RAD51B: variants seen among roughly 807,000 people sequenced by gnomAD.
RAD51B encodes the protein RAD51 paralog B.
Under a neutral mutation model 42.2 loss-of-function variants are expected in RAD51B, and 38 were observed. The observed-to-expected ratio is 0.90, with a 90% CI of 0.70 to 1.18. RAD51B has a LOEUF of 1.18. Among genes scored for constraint, RAD51B ranks in the 50% most tolerant of loss-of-function variants. The pLI, the probability that RAD51B is intolerant of heterozygous loss-of-function variation, is 0.00. For synonymous variants in RAD51B, 154 were observed against 145.2 expected (o/e 1.06, Z -0.43); for missense variants, 373 against 400.7 (o/e 0.93, Z 0.59).
rs554017458 is a variant in RAD51B, at chr14:68,586,525, A to T, written c.1037-7960A>T. 6.6e-5 allele frequency among the ~76,000 whole-genome samples: 10 copies of T among 152,274 alleles called. No homozygotes were observed. The East Asian group carries it at 1.9e-3, about 29-fold the overall frequency. On this transcript the variant is annotated intron_variant, in intron 10 of 10. Coordinates refer to the RAD51B transcript ENST00000487270. ...CAGGGGAGGTGGGGGCAGACCAGGGAGTAAAGGGAGACCCATGTTGGCAAA... is the reference window on the plus strand; with the variant it reads ...CAGGGGAGGTGGGGGCAGACCAGGGTGTAAAGGGAGACCCATGTTGGCAAA...
chr14:68,622,214 G>T lies in RAD51B; in HGVS notation c.1037-28567G>T, dbSNP rs572805674. On this transcript the variant is annotated intron_variant, in intron 10 of 11. Transcript: ENST00000488612. ...TCTCAGGAGCAGAATCCTCACTTGG[G>T]ATTAGACCCTTCACAGACGCCAGAT... is the stretch of plus-strand genomic sequence containing the variant. 6.6e-5 allele frequency among the ~76,000 whole-genome samples: 10 copies of T among 152,330 alleles called. 1 individual carries two copies. The highest frequency in any genetic ancestry group is 6.5e-4 in the Admixed American group (10 of 15,300).
chr14:68,671,415 T>G (rs1351502381), intron 11 of RAD51B, among the ~76,000 whole-genome samples: 2 of 152,110 alleles, frequency 1.3e-5, no homozygotes, highest in Non-Finnish European at 2.9e-5. Flanking sequence ...CCTATGTGGA[T>G]TCACCTTGGC....
intron 7 of RAD51B, among the ~76,000 whole-genome samples, chr14:67,982,017 G>A (rs989575718): frequency 5.9e-5 from 9 of 152,186 alleles, no homozygotes; most frequent in South Asian, 2.1e-4. Context: ...GCTCACTGCA[G>A]CCTCTGCCTC....
At chr14:68,241,288 A>G (rs752460383) in intron 7 of RAD51B, among the ~76,000 whole-genome samples, 6 of 152,210 alleles carry the variant, frequency 3.9e-5, no homozygotes, top group Non-Finnish European at 5.9e-5. Context: ...CACGCCTGTA[A>G]TCCCAGCACT....
In RAD51B at chr14:68,389,868, G is replaced by A. The variant is rs564123464; in HGVS notation, c.854-21556G>A. On this transcript the variant is annotated intron_variant, in intron 8 of 10. Coordinates refer to ENST00000471583, the MANE Select transcript of RAD51B (RefSeq NM_133510.4). ...ATTGCTAGGGAAATCTGGTAATCAA[G>A]ACCAAGTTGGGCCTCTTGTTTCTCA... is the stretch of plus-strand genomic sequence containing the variant. Among the ~76,000 whole-genome samples the A allele has an allele frequency of 3.3e-5, 5 of 152,308 alleles. No homozygotes were observed. In the South Asian group the frequency reaches 1.0e-3, roughly 32 times the overall value.
intron 10 of RAD51B, chr14:68,469,124 G>A (rs769226086): frequency 3.9e-6 from 2 of 514,656 alleles, no homozygotes; most frequent in Non-Finnish European, 7.8e-6. Context: ...AGATGCTTAG[G>A]TGAATATCTG....
chr14:68,407,081 A>G (rs1396418611), intron 8 of RAD51B, among the ~76,000 whole-genome samples: 1 of 152,254 alleles, frequency 6.6e-6, no homozygotes, highest in Non-Finnish European at 1.5e-5. Flanking sequence ...ACTTCTTAAA[A>G]TAAGTAGAAT....
At chr14:68,420,660 A>G (rs1292856924) in intron 9 of RAD51B, among the ~76,000 whole-genome samples, 1 of 152,174 alleles carries the variant, frequency 6.6e-6, no homozygotes, top group African/African-American at 2.4e-5. Flanking sequence ...GACACCAGAG[A>G]TCATGTTCAT....
intron 11 of RAD51B, among the ~76,000 whole-genome samples, chr14:68,681,579 G>C (rs1054767981): frequency 6.6e-6 from 1 of 152,214 alleles, no homozygotes. Context: ...TTTGACAAGA[G>C]AGTTTCCTGG....
At chr14:68,511,797 AG>A (rs35605174) in intron 10 of RAD51B, among the ~76,000 whole-genome samples, 27,414 of 152,234 alleles carry the variant, frequency 0.18, 3,173 homozygotes, top group Non-Finnish European at 0.26. Context: ...AAAGTGATCT[AG>A]GGGGCATAGG....
At chr14:67,859,967 T>C (rs1267248868) in intron 4 of RAD51B, among the ~76,000 whole-genome samples, 1 of 152,098 alleles carries the variant, frequency 6.6e-6, no homozygotes, top group Non-Finnish European at 1.5e-5. Context: ...ATTACAGGCA[T>C]GCACCACCAC....
chr14:68,529,464 G>C lies in RAD51B; in HGVS notation c.1036+61214G>C, dbSNP rs539471813. On this transcript the variant is annotated intron_variant, in intron 10 of 10. Transcript: ENST00000487270. The stretch of plus-strand genomic sequence containing the variant: ...CTGTAAGGTGGAGCTTACTAGGAAA[G>C]AACGTTGAAAAACAGCTGCTGATGA... 9.2e-5 allele frequency among the ~76,000 whole-genome samples: 14 copies of C among 152,340 alleles called. No individual in the cohort carries two copies. In the East Asian group the frequency reaches 1.4e-3, roughly 15 times the overall value.
In RAD51B at chr14:67,864,961, C is replaced by CTTTTT. The variant is rs745505141; in HGVS notation, c.316-7_316-3dup. ...TGGCTTGTGATGTTTATCTAAAAAA[C>CTTTTT]TTTTTTTTTTTTTTTTTTTTTTTTT... On this transcript the variant is annotated intron_variant, in intron 4 of 10. Transcript: ENST00000471583. 550 of 645,042 alleles carry CTTTTT rather than the reference C, an allele frequency of 8.5e-4. 240 individuals carry two copies. Among genetic ancestry groups the CTTTTT allele is most frequent in the Admixed American group, 1.8e-3 (16 of 8,822 alleles). 40.0% of individuals were successfully genotyped at this position (645,042 alleles called of 1,614,324 possible).
Position 68,468,190 on chromosome 14 carries a change from C to T in RAD51B, c.976C>T (p.Pro326Ser), listed in dbSNP as rs548011714. The T allele has an allele frequency of 6.2e-7, 1 of 1,613,946 alleles. No homozygotes were observed. The highest frequency in any genetic ancestry group is 1.7e-5 in the Admixed American group (1 of 60,010). The change falls in exon 10 of 11, where the codon CCT becomes TCT. Residue 326 changes from proline (P) to serine (S), a missense_variant. Pro to Ser is a moderately conservative substitution (Grantham distance 74, BLOSUM62 -1). Coordinates refer to ENST00000471583, the MANE Select transcript of RAD51B (RefSeq NM_133510.4). ...TGTGCAGATTCTTATTGCCAAGTCC[C>T]CTCTGGCTCCCTTCACCTCATTTGT... is the stretch of plus-strand genomic sequence containing the variant. ...ERRQILIAKS[P>S]LAPFTSFVYT...
At chr14:68,379,983 C>CT (rs2083448549) in intron 8 of RAD51B, among the ~76,000 whole-genome samples, 1 of 152,184 alleles carries the variant, frequency 6.6e-6, no homozygotes, top group South Asian at 2.1e-4. Context: ...TATTGTCATA[C>CT]GATTGCATTG....
intron 4 of RAD51B, among the ~76,000 whole-genome samples, chr14:67,860,650 AC>A: frequency 6.6e-6 from 1 of 152,326 alleles, no homozygotes; most frequent in East Asian, 1.9e-4. Context: ...CATTAAAAAA[AC>A]CCTAAGATGG....
chr14:67,832,698 T>A (rs1369357090), intron 3 of RAD51B, among the ~76,000 whole-genome samples: 1 of 152,186 alleles, frequency 6.6e-6, no homozygotes. Context: ...TGTCCTTGCC[T>A]TTTCCTTACT....
At chr14:68,170,850 T>C (rs2078858251) in intron 7 of RAD51B, among the ~76,000 whole-genome samples, 1 of 152,258 alleles carries the variant, frequency 6.6e-6, no homozygotes, top group Non-Finnish European at 1.5e-5. Context: ...TACAACTTTT[T>C]ATTCTCATTT....
At chr14:68,444,440 T>TTGTGTGTG (rs3837661) in intron 9 of RAD51B, among the ~76,000 whole-genome samples, 4 of 150,168 alleles carry the variant, frequency 2.7e-5, no homozygotes, top group African/African-American at 9.8e-5. Context: ...GAATTGTGAA[T>TTGTGTGTG]TGTGTGTGTG....
Sources: allele counts gnomAD v4.1 joint callset (sites outside exome capture counted in the v4.1 genomes callset), GRCh38; gene constraint gnomAD v4.1.1; transcripts MANE v1.5; gene names NCBI Gene and HGNC (gene_info 2026-07-23, HGNC 2026-07-21).